Variants in JMJD1C observed in about 807,000 individuals in gnomAD.
JMJD1C encodes the protein jumonji domain containing 1C.
JMJD1C carries 31 observed loss-of-function variants against 245.3 expected under a neutral mutation model. The ratio of observed to expected loss-of-function variants is 0.13; its 90% confidence interval spans 0.09 to 0.17. JMJD1C has a LOEUF of 0.17. Ranked by LOEUF, JMJD1C falls within the 10% of genes least tolerant of loss-of-function variation. The probability of loss-of-function intolerance (pLI) is 1.00; values close to 1 mark genes in which losing one functional copy is unlikely to be tolerated. For missense variants in JMJD1C, 2,691 were observed against 3,000.2 expected (o/e 0.90, Z 2.41); for synonymous variants, 1,057 against 1,017.4 (o/e 1.04, Z -0.74).
At chr10:63,353,235 T>C (rs1272560412) in intron 2 of JMJD1C, among the ~76,000 whole-genome samples, 1 of 152,144 alleles carries the variant, frequency 6.6e-6, no homozygotes, top group Non-Finnish European at 1.5e-5. Context: ...GCAATAGAAC[T>C]AGGCAGAAGA....
chr10:63,234,112 CTT>C (rs1464078040), intron 3 of JMJD1C, among the ~76,000 whole-genome samples: 1 of 152,050 alleles, frequency 6.6e-6, no homozygotes, highest in Non-Finnish European at 1.5e-5. Context: ...TGAAAATACT[CTT>C]TGCATTCTTT....
intron 1 of JMJD1C, among the ~76,000 whole-genome samples, chr10:63,391,284 G>A (rs1407515485): frequency 4.6e-5 from 7 of 152,142 alleles, no homozygotes; most frequent in African/African-American, 7.2e-5. Context: ...GCCGAGGCGG[G>A]TGGATCATGA....
chr10:63,195,252 C>A (rs950310586), intron 13 of JMJD1C, among the ~76,000 whole-genome samples: 1 of 151,010 alleles, frequency 6.6e-6, no homozygotes, highest in Non-Finnish European at 1.5e-5. Flanking sequence ...ACTTGGGAGG[C>A]TGAGGCAGGA....
At position 63,222,459 on chromosome 10, in the gene JMJD1C, A is replaced by G. The variant is rs770899631; in HGVS notation, c.448-2476T>C. 223 of 970,706 alleles carry G rather than the reference A, an allele frequency of 2.3e-4. 3 individuals are homozygous for G. Among genetic ancestry groups the G allele is most frequent in the Middle Eastern group, 1.2e-3 (4 of 3,238 alleles). 60.1% of individuals were successfully genotyped at this position (970,706 alleles called of 1,614,324 possible). ...AAGGAGTTGCTAAATCTTGATGAAA[A>G]CAATAAAGGGAAAGTTGTGGCAGTA... On this transcript the variant is annotated intron_variant, in intron 3 of 25. Transcript: ENST00000399262.
chr10:63,417,877 T>G (rs938111378), intron 1 of JMJD1C, among the ~76,000 whole-genome samples: 1 of 152,236 alleles, frequency 6.6e-6, no homozygotes, highest in Non-Finnish European at 1.5e-5. Flanking sequence ...ATCATTTTCC[T>G]GTGTAACATA....
intron 1 of JMJD1C, among the ~76,000 whole-genome samples, chr10:63,415,741 C>T (rs1589704666): frequency 6.6e-6 from 1 of 152,104 alleles, no homozygotes; most frequent in East Asian, 1.9e-4. Context: ...TCCTTAAAAT[C>T]GTCTCATAAC....
chr10:63,382,676 T>C (rs1405647235), intron 1 of JMJD1C: 1 of 407,170 alleles, frequency 2.5e-6, no homozygotes, highest in African/African-American at 2.1e-5. Flanking sequence ...GCTGACTCTA[T>C]GCTCATAGGA....
intron 1 of JMJD1C, among the ~76,000 whole-genome samples, chr10:63,516,710 T>C (rs1440787321): frequency 1.3e-5 from 2 of 152,240 alleles, no homozygotes; most frequent in East Asian, 1.9e-4. Flanking sequence ...TGTCAATTTC[T>C]TACTGTGTGT....
At chr10:63,321,002 T>C (rs1252668769) in intron 2 of JMJD1C, among the ~76,000 whole-genome samples, 2 of 152,190 alleles carry the variant, frequency 1.3e-5, no homozygotes, top group African/African-American at 2.4e-5. Context: ...ATATAATCAA[T>C]GATGCCTATG....
At chr10:63,312,957 T>A (rs1032695219) in intron 2 of JMJD1C, among the ~76,000 whole-genome samples, 1 of 152,214 alleles carries the variant, frequency 6.6e-6, no homozygotes, top group South Asian at 2.1e-4. Context: ...AAAACTTTTT[T>A]TTTCCATAGG....
rs760630871 is a variant in JMJD1C, at chr10:63,176,425, G to C, written c.7273C>G (p.Arg2425Gly). Reference protein sequence around the residue: ...LEVLPEHDPIRDQSWYVNKKL... With the variant: ...LEVLPEHDPIGDQSWYVNKKL... ...TTGTTCACATACCAACTTTGGTCAC[G>C]TATTGGATCATGTTCTGGTAGAACT... The change falls in exon 24 of 26, where the codon CGT becomes GGT. Residue 2425 changes from arginine (R) to glycine (G), a missense_variant. Physicochemically the swap from Arg to Gly is moderately radical, Grantham distance 125 (BLOSUM62 -2). Around this residue, in one of 9 missense-constraint regions of JMJD1C, gnomAD observed 232 missense variants for 416.1 expected, o/e 0.56. Transcript: ENST00000399262. 1.9e-6 allele frequency: 3 copies of C among 1,613,720 alleles called. No individual in the cohort carries two copies. Among genetic ancestry groups the C allele is most frequent in the African/African-American group, 1.3e-5 (1 of 74,870 alleles).
At chr10:63,251,789 G>A (rs1453205884) in intron 3 of JMJD1C, among the ~76,000 whole-genome samples, 4 of 152,262 alleles carry the variant, frequency 2.6e-5, no homozygotes, top group South Asian at 4.1e-4. Context: ...TGAGGTGGGC[G>A]GATCACAAGG....
Position 63,215,616 on chromosome 10 carries a change from A to C in JMJD1C, c.759T>G (p.Gly253=). Reference sequence around the variant, plus strand: ...GTCGTGATGTAATGCCAATATTTTCACCTTTTAACAAAGAGTGAACAACAT... The same window carrying C: ...GTCGTGATGTAATGCCAATATTTTCCCCTTTTAACAAAGAGTGAACAACAT... ...LDDVVHSLLK[G]ENIGITSRRR... Residue 253 remains glycine, a synonymous_variant, in exon 6 of 26, where the codon GGT becomes GGG. Transcript: ENST00000399262. 1 of 1,611,460 alleles carries C rather than the reference A, an allele frequency of 6.2e-7. No individual in the cohort carries two copies. Among genetic ancestry groups the C allele is most frequent in the Non-Finnish European group, 8.5e-7 (1 of 1,177,732 alleles).
rs71463513 is a variant in JMJD1C at position 63,324,039 on chromosome 10, C to CTT, written c.333+56277_333+56278dup. 5.6e-3 allele frequency among the ~76,000 whole-genome samples: 762 copies of CTT among 136,084 alleles called. 14 individuals carry two copies. The highest frequency in any genetic ancestry group is 0.046 in the East Asian group (217 of 4,742). The allele number at this position is 136,084 out of a possible 152,430, so 89.3% of individuals were successfully genotyped here. A position where few individuals can be genotyped will look rare whatever the true frequency, so the allele number is the denominator to read the frequency against. On this transcript the variant is annotated intron_variant, in intron 2 of 25. Coordinates refer to ENST00000399262, the MANE Select transcript of JMJD1C (RefSeq NM_032776.3). ...AAGAGCCAATTCATCCTTCGTCTGC[C>CTT]TTTTTTTTTTTTTTTTTCTATGTGG... is the stretch of plus-strand genomic sequence containing the variant.
In JMJD1C at chr10:63,323,042, G is replaced by A. The variant is rs1941094057; in HGVS notation, c.333+57276C>T. ...CTATATATGAAAATTAGATAATGTTGAACAAAAAGTAGAGAAGAGAGAAAA... is the reference window on the plus strand; with the variant it reads ...CTATATATGAAAATTAGATAATGTTAAACAAAAAGTAGAGAAGAGAGAAAA... On this transcript the variant is annotated intron_variant, in intron 2 of 25. Transcript: ENST00000399262. 3.3e-5 allele frequency among the ~76,000 whole-genome samples: 5 copies of A among 151,822 alleles called. No individual in the cohort carries two copies. The South Asian group carries it at 1.0e-3, about 32-fold the overall frequency.
At position 63,214,912 on chromosome 10, in the gene JMJD1C, T is replaced by C. The variant is rs1394505290; in HGVS notation, c.1255A>G (p.Asn419Asp). 1.2e-6 allele frequency: 2 copies of C among 1,611,194 alleles called. No homozygotes were observed. Among genetic ancestry groups the C allele is most frequent in the African/African-American group, 2.7e-5 (2 of 74,752 alleles). Residue 419 changes from asparagine (N) to aspartate (D), a missense_variant, in exon 8 of 26, where the codon AAT (asparagine) becomes GAT (aspartate). Transcript: ENST00000399262. ...AGGGTCTCTTCTCCTGCCTTCTCAT[T>C]ATTATGGGGTTTTCCTTCTTCTCCA... is the stretch of plus-strand genomic sequence containing the variant. The part of the protein sequence containing the change: ...INGEEGKPHN[N>D]EKAGEETLKN...
chr10:63,433,084 TTTA>T (rs1028207259), intron 1 of JMJD1C, among the ~76,000 whole-genome samples: 5 of 151,844 alleles, frequency 3.3e-5, no homozygotes, highest in African/African-American at 9.7e-5. Flanking sequence ...ATTTATTTAT[TTTA>T]TTATTATCAT....
intron 1 of JMJD1C, among the ~76,000 whole-genome samples, chr10:63,440,247 A>T (rs1273577602): frequency 1.3e-5 from 2 of 151,964 alleles, no homozygotes; most frequent in Admixed American, 1.3e-4. Context: ...AGGCAGGAGA[A>T]TCGCTTGAAC....
chr10:63,222,466 A>T (rs1180268799), intron 3 of JMJD1C: 2 of 976,596 alleles, frequency 2.0e-6, no homozygotes, highest in African/African-American at 3.2e-5. Context: ...AAAACAATAA[A>T]GGGAAAGTTG....
Sources: gnomAD v4.1 joint callset for allele counts (sites outside exome capture counted in the v4.1 genomes callset) on GRCh38, gnomAD v4.1.1 for gene constraint, gnomAD v4.1.1 regional missense constraint, MANE v1.5 for transcripts, NCBI Gene and HGNC (gene_info 2026-07-23, HGNC 2026-07-21) for gene names.